The following TRDN variants were observed in gnomAD, a reference collection of about 807,000 sequenced individuals.
TRDN encodes the protein triadin in skeletal muscle.
TRDN carries 161 observed loss-of-function variants against 149.7 expected under a neutral mutation model. The observed-to-expected ratio is 1.08, with a 90% CI of 0.95 to 1.23. TRDN has a LOEUF of 1.23. Ranked by LOEUF, TRDN falls within the 50% of genes most tolerant of loss-of-function variation. The pLI, the probability that TRDN is intolerant of heterozygous loss-of-function variation, is 0.00. For missense variants in TRDN, 896 were observed against 823.5 expected, an observed-to-expected ratio of 1.09 and a Z score of -1.08; for synonymous variants, 294 against 250.5, an observed-to-expected ratio of 1.17 and a Z score of -1.64.
intron 12 of TRDN, among the ~76,000 whole-genome samples, chr6:123,410,432 A>C (rs1206785050): frequency 6.6e-6 from 1 of 152,108 alleles, no homozygotes; most frequent in Non-Finnish European, 1.5e-5. Flanking sequence ...CAGCAAAACA[A>C]AAAGTGATCA....
chr6:123,235,922 T>C (rs1357275666), intron 38 of TRDN, among the ~76,000 whole-genome samples: 1 of 152,244 alleles, frequency 6.6e-6, no homozygotes, highest in Non-Finnish European at 1.5e-5. Flanking sequence ...ACAGCTTCTA[T>C]ATCCATTTGC....
chr6:123,505,762 C>A (rs188382175), intron 7 of TRDN, among the ~76,000 whole-genome samples: 2 of 151,348 alleles, frequency 1.3e-5, no homozygotes, highest in Non-Finnish European at 2.9e-5. Flanking sequence ...TGCAGTGGCA[C>A]GATCTCGGCT....
At chr6:123,615,190 A>T (rs1254622116) in intron 1 of TRDN, among the ~76,000 whole-genome samples, 1 of 152,198 alleles carries the variant, frequency 6.6e-6, no homozygotes, top group East Asian at 1.9e-4. Flanking sequence ...ACTCTCACAC[A>T]CTGTTGGTGG....
chr6:123,587,136 C>A (rs1051923557), intron 1 of TRDN, among the ~76,000 whole-genome samples: 2 of 152,016 alleles, frequency 1.3e-5, no homozygotes, highest in African/African-American at 4.8e-5. Context: ...GGGGTACTTG[C>A]CCCTTCCCCA....
At chr6:123,288,457 G>T (rs1777877794) in intron 24 of TRDN, among the ~76,000 whole-genome samples, 2 of 152,012 alleles carry the variant, frequency 1.3e-5, no homozygotes, top group Admixed American at 6.6e-5. Context: ...CTATGGAATG[G>T]GAGGTAATAT....
chr6:123,488,269 A>T (rs1325628818), intron 9 of TRDN, among the ~76,000 whole-genome samples: 1 of 152,136 alleles, frequency 6.6e-6, no homozygotes, highest in Non-Finnish European at 1.5e-5. Flanking sequence ...TTAATGAGAT[A>T]AGTATGCAAA....
At chr6:123,309,010 A>C (rs1414191173) in intron 24 of TRDN, among the ~76,000 whole-genome samples, 3 of 151,982 alleles carry the variant, frequency 2.0e-5, no homozygotes, top group Non-Finnish European at 4.4e-5. Context: ...CAAGGTCATT[A>C]CTTTCTCTTT....
intron 24 of TRDN, among the ~76,000 whole-genome samples, chr6:123,289,041 A>G (rs1233225170): frequency 2.0e-5 from 3 of 147,390 alleles, no homozygotes; most frequent in East Asian, 4.1e-4. Context: ...GTGTGTGTAT[A>G]TATATATACA....
chr6:123,287,342 C>T (rs1246295443), intron 24 of TRDN, among the ~76,000 whole-genome samples: 1 of 151,986 alleles, frequency 6.6e-6, no homozygotes, highest in East Asian at 1.9e-4. Context: ...AATAGTAAGC[C>T]CAAGAGTAGA....
chr6:123,533,696 A>G (rs1173190786), intron 4 of TRDN, among the ~76,000 whole-genome samples: 1 of 152,040 alleles, frequency 6.6e-6, no homozygotes, highest in Non-Finnish European at 1.5e-5. Flanking sequence ...GAAAAAAAGA[A>G]ATAAAGACAA....
chr6:123,554,185 GT>G (rs763523438), intron 2 of TRDN, among the ~76,000 whole-genome samples: 2 of 151,034 alleles, frequency 1.3e-5, no homozygotes, highest in East Asian at 1.9e-4. Context: ...TGAGGTAAAG[GT>G]TTTTTTTTAA....
intron 12 of TRDN, among the ~76,000 whole-genome samples, chr6:123,400,286 G>A (rs1582970805): frequency 1.3e-5 from 2 of 150,916 alleles, no homozygotes; most frequent in East Asian, 2.0e-4. Flanking sequence ...AATTAAATAA[G>A]GTCTAGTTGA....
At chr6:123,560,154 C>A (rs947109467) in intron 2 of TRDN, among the ~76,000 whole-genome samples, 1 of 152,116 alleles carries the variant, frequency 6.6e-6, no homozygotes, top group African/African-American at 2.4e-5. Flanking sequence ...CTTTTAGAGA[C>A]CCTCAAAATC....
Position 123,454,331 on chromosome 6 carries a change from G to C in TRDN, c.931+10575C>G, listed in dbSNP as rs536603273. Among the ~76,000 whole-genome samples, 6 of 152,236 alleles carry C rather than the reference G, an allele frequency of 3.9e-5. No individual in the cohort carries two copies. In the East Asian group the frequency reaches 7.7e-4, roughly 20 times the overall value. On this transcript the variant is annotated intron_variant, in intron 10 of 40. Coordinates refer to ENST00000334268, the MANE Select transcript of TRDN (RefSeq NM_006073.4). The stretch of plus-strand genomic sequence containing the variant: ...CTTTTTCCCTTTGAGCCTCCGAAAG[G>C]TGTGATGAAAGGATTTTAATAATCA...
chr6:123,623,682 G>C (rs374480602), intron 1 of TRDN, among the ~76,000 whole-genome samples: 1 of 152,066 alleles, frequency 6.6e-6, no homozygotes, highest in African/African-American at 2.4e-5. Flanking sequence ...TAGGGATGTT[G>C]TTAAAAACTT....
intron 9 of TRDN, among the ~76,000 whole-genome samples, chr6:123,478,195 A>C (rs1239231312): frequency 6.6e-6 from 1 of 152,172 alleles, no homozygotes; most frequent in African/African-American, 2.4e-5. Flanking sequence ...ACCTGTTACC[A>C]TAAATGACTC....
At chr6:123,564,438 A>C (rs964104713) in intron 2 of TRDN, among the ~76,000 whole-genome samples, 1 of 152,092 alleles carries the variant, frequency 6.6e-6, no homozygotes, top group African/African-American at 2.4e-5. Flanking sequence ...TTAAATGTTA[A>C]ATTTGTACTT....
At chr6:123,405,883 A>G (rs1773173680) in intron 12 of TRDN, among the ~76,000 whole-genome samples, 2 of 152,194 alleles carry the variant, frequency 1.3e-5, no homozygotes, top group Non-Finnish European at 2.9e-5. Context: ...ACTTACACTA[A>G]GAAAAATCTC....
intron 38 of TRDN, among the ~76,000 whole-genome samples, chr6:123,244,452 C>A (rs1025421348): frequency 6.6e-6 from 1 of 151,872 alleles, no homozygotes; most frequent in Non-Finnish European, 1.5e-5. Context: ...GAAGCATACA[C>A]AAGTATCAAT....
Sources: allele counts gnomAD v4.1 joint callset (sites outside exome capture counted in the v4.1 genomes callset), GRCh38; gene constraint gnomAD v4.1.1; transcripts MANE v1.5; gene names NCBI Gene and HGNC (gene_info 2026-07-23, HGNC 2026-07-21).